The following C1orf116 variants were observed in gnomAD, a reference collection of about 807,000 sequenced individuals.
C1orf116 encodes the protein specifically androgen-regulated gene protein.
Under a neutral mutation model 14.1 loss-of-function variants are expected in C1orf116, and 12 were observed. The observed-to-expected ratio is 0.85, with a 90% confidence interval of 0.54 to 1.38. The LOEUF (loss-of-function observed/expected upper bound fraction) is 1.38, where lower values mean the gene tolerates loss of function less well. Among genes scored for constraint, C1orf116 ranks in the 40% most tolerant of loss-of-function variants. The pLI, the probability that C1orf116 is intolerant of heterozygous loss-of-function variation, is 0.00. For synonymous variants in C1orf116, 296 were observed against 299.0 expected (o/e 0.99, Z 0.10); for missense variants, 797 against 747.0 (o/e 1.07, Z -0.78).
At chr1:207,030,820 TAAGA>T (rs1682221979) in intron 1 of C1orf116, among the ~76,000 whole-genome samples, 1 of 152,150 alleles carries the variant, frequency 6.6e-6, no homozygotes, top group South Asian at 2.1e-4. Context: ...GGGAATGGGT[TAAGA>T]AATATGCAGC....
Position 207,020,528 on chromosome 1 carries a change from A to G in C1orf116, c.*1430T>C, listed in dbSNP as rs1681810880. On this transcript the variant is annotated 3_prime_UTR_variant, in exon 4 of 4. Coordinates refer to ENST00000359470, the MANE Select transcript of C1orf116 (RefSeq NM_023938.6). ...CATGTCTGGCCATGTCTCACCTCCA[A>G]GCTTGTATTTGCAAGCCCACACCAC... The G allele has an allele frequency of 6.6e-6, 1 of 152,098 alleles. No homozygotes were observed. Among genetic ancestry groups the G allele is most frequent in the Non-Finnish European group, 1.5e-5 (1 of 68,022 alleles). 9.4% of individuals were successfully genotyped at this position (152,098 alleles called of 1,614,324 possible). A position where few individuals can be genotyped will look rare whatever the true frequency, so the allele number is the denominator to read the frequency against.
intron 2 of C1orf116, among the ~76,000 whole-genome samples, chr1:207,025,959 T>A (rs1682062019): frequency 6.6e-6 from 1 of 152,204 alleles, no homozygotes; most frequent in Admixed American, 6.5e-5. Context: ...AGTTACTGTC[T>A]ATGTTGTATG....
In C1orf116 at chr1:207,021,728, C is replaced by T. The variant is rs926398135; in HGVS notation, c.*230G>A. ...TTCAGTGATGTATCCAGCGGCCCCC[C>T]CTCCACACACACACCAAACACACAC... On this transcript the variant is annotated 3_prime_UTR_variant, in exon 4 of 4. Coordinates refer to ENST00000359470, the MANE Select transcript of C1orf116 (RefSeq NM_023938.6). 3 of 408,596 alleles carry T rather than the reference C, an allele frequency of 7.3e-6. No homozygotes were observed. The highest frequency in any genetic ancestry group is 1.3e-5 in the Non-Finnish European group (3 of 232,394). The allele number at this position is 408,596 out of a possible 1,614,324, so 25.3% of individuals were successfully genotyped here.
rs1681789817 is a variant in C1orf116, at chr1:207,020,075, G to C, written c.*1883C>G. Reference sequence around the variant, plus strand: ...AAATCAACTCAGCTGAATATAGCATGTGGAATCAGTCCTCCAGAAGGCAGC... The same window carrying C: ...AAATCAACTCAGCTGAATATAGCATCTGGAATCAGTCCTCCAGAAGGCAGC... On this transcript the variant is annotated 3_prime_UTR_variant, in exon 4 of 4. Transcript: ENST00000359470. 6.6e-6 allele frequency: 1 copy of C among 152,222 alleles called. No homozygotes were observed. The highest frequency in any genetic ancestry group is 2.1e-4 in the South Asian group (1 of 4,832). The allele number at this position is 152,222 out of a possible 1,614,324, so 9.4% of individuals were successfully genotyped here.
Position 207,020,273 on chromosome 1 carries a change from A to G in C1orf116, c.*1685T>C, listed in dbSNP as rs1334034345. 1 of 152,212 alleles carries G rather than the reference A, an allele frequency of 6.6e-6. No homozygotes were observed. Among genetic ancestry groups the G allele is most frequent in the African/African-American group, 2.4e-5 (1 of 41,438 alleles). 9.4% of individuals were successfully genotyped at this position (152,212 alleles called of 1,614,324 possible). ...CCGCCACACCCACACCTCACATACC[A>G]TGACAGGGTGGAGTATTTGTTGTCC... is the stretch of plus-strand genomic sequence containing the variant. On this transcript the variant is annotated 3_prime_UTR_variant, in exon 4 of 4. Coordinates refer to ENST00000359470, the MANE Select transcript of C1orf116 (RefSeq NM_023938.6).
intron 1 of C1orf116, 59 bp downstream of exon 1, chr1:207,032,520 C>A (rs1406464504): frequency 2.0e-6 from 2 of 975,722 alleles, no homozygotes; most frequent in Non-Finnish European, 2.4e-6. Flanking sequence ...CTCTGATTTC[C>A]CATGAAACCC....
chr1:207,022,777 G>A lies in C1orf116; in HGVS notation c.987C>T (p.Ala329=). The change falls in exon 4 of 4, where the codon GCC becomes GCT. Residue 329 remains alanine, a synonymous_variant. Transcript: ENST00000359470. The part of the protein sequence containing the change: ...QHWLSRHTEA[A]PGDSGLISCS... ...AGGAGATCAGGCCAGAATCTCCAGG[G>A]GCAGCCTCAGTGTGGCGGGACAGCC... 1 of 1,614,170 alleles carries A rather than the reference G, an allele frequency of 6.2e-7. No individual in the cohort carries two copies.
chr1:207,023,246 AC>A lies in C1orf116; in HGVS notation c.517del (p.Val173SerfsTer118), dbSNP rs1362017752. 1.2e-6 allele frequency: 2 copies of A among 1,612,936 alleles called. No individual in the cohort carries two copies. Among genetic ancestry groups the A allele is most frequent in the Non-Finnish European group, 1.7e-6 (2 of 1,179,454 alleles). ...RLAPEPEKEQ[V>X]SQSSQPRQAP... Reference sequence around the variant, plus strand: ...CTGCCTGGGTTGGCTGCTCTGGCTGACCTGTTCTTTCTCAGGCTCTGGCGCA... The same window carrying A: ...CTGCCTGGGTTGGCTGCTCTGGCTGACTGTTCTTTCTCAGGCTCTGGCGCA... On this transcript the variant is annotated frameshift_variant, in exon 4 of 4. Coordinates refer to ENST00000359470, the MANE Select transcript of C1orf116 (RefSeq NM_023938.6). LOFTEE classifies it low-confidence loss of function (END_TRUNC).
At chr1:207,024,121 G>T (rs1252582981) in intron 3 of C1orf116, among the ~76,000 whole-genome samples, 1 of 152,222 alleles carries the variant, frequency 6.6e-6, no homozygotes, top group Non-Finnish European at 1.5e-5. Context: ...ACACCAGAAA[G>T]TGACTCCTTT....
At chr1:207,028,859 A>T (rs1349433988) in intron 1 of C1orf116, among the ~76,000 whole-genome samples, 1 of 152,252 alleles carries the variant, frequency 6.6e-6, no homozygotes, top group Non-Finnish European at 1.5e-5. Flanking sequence ...GAGTTGGAGG[A>T]GAGCCAGAAT....
At chr1:207,031,714 A>C (rs1238503569) in intron 1 of C1orf116, among the ~76,000 whole-genome samples, 1 of 152,224 alleles carries the variant, frequency 6.6e-6, no homozygotes, top group Non-Finnish European at 1.5e-5. Flanking sequence ...CACCTGCAGG[A>C]AAACAAACAA....
Position 207,021,206 on chromosome 1 carries a change from T to C in C1orf116, c.*752A>G, listed in dbSNP as rs1480527407. 2 of 152,498 alleles carry C rather than the reference T, an allele frequency of 1.3e-5. No homozygotes were observed. The highest frequency in any genetic ancestry group is 1.3e-4 in the Admixed American group (2 of 15,268). 9.4% of individuals were successfully genotyped at this position (152,498 alleles called of 1,614,324 possible). On this transcript the variant is annotated 3_prime_UTR_variant, in exon 4 of 4. Coordinates refer to ENST00000359470, the MANE Select transcript of C1orf116 (RefSeq NM_023938.6). Reference sequence around the variant, plus strand: ...TCAGGGACGACAGCACAGTTGGTGATTGAATTTATCAAGCCTGTGGAGAAG... The same window carrying C: ...TCAGGGACGACAGCACAGTTGGTGACTGAATTTATCAAGCCTGTGGAGAAG...
At chr1:207,025,694 C>A (rs981173976) in intron 2 of C1orf116, among the ~76,000 whole-genome samples, 1 of 152,204 alleles carries the variant, frequency 6.6e-6, no homozygotes, top group Non-Finnish European at 1.5e-5. Flanking sequence ...CTTTGAAATG[C>A]ATTCCATACG....
intron 1 of C1orf116, among the ~76,000 whole-genome samples, chr1:207,030,118 C>T (rs1218208649): frequency 2.6e-5 from 4 of 152,186 alleles, no homozygotes; most frequent in Non-Finnish European, 5.9e-5. Context: ...CACAAGAACA[C>T]AGCATGCCAT....
In C1orf116 at chr1:207,023,302, G is replaced by A; in HGVS notation, c.462C>T (p.Ser154=). ...TCCCCGGTTCTCCAGGGTTGTGACT[G>A]CTAGCCTGGGTGGTGCTTTTCCTGA... ...QNFRKSTTQA[S]SHNPGEPGRL... Residue 154 remains serine, a synonymous_variant, in exon 4 of 4, where the codon AGC becomes AGT. Coordinates refer to ENST00000359470, the MANE Select transcript of C1orf116 (RefSeq NM_023938.6). 1 of 1,614,198 alleles carries A rather than the reference G, an allele frequency of 6.2e-7. No homozygotes were observed.
Position 207,021,320 on chromosome 1 carries a change from C to T in C1orf116, c.*638G>A, listed in dbSNP as rs1479938587. The stretch of plus-strand genomic sequence containing the variant: ...CAAGAGCTGTTCTGCTATCAATCAA[C>T]CGAGAGATTGGGTTACAGGGACGTA... On this transcript the variant is annotated 3_prime_UTR_variant, in exon 4 of 4. Coordinates refer to ENST00000359470, the MANE Select transcript of C1orf116 (RefSeq NM_023938.6). The T allele has an allele frequency of 6.6e-6, 1 of 152,638 alleles. No individual in the cohort carries two copies. The highest frequency in any genetic ancestry group is 2.4e-5 in the African/African-American group (1 of 41,452). 9.5% of individuals were successfully genotyped at this position (152,638 alleles called of 1,614,324 possible). A position where few individuals can be genotyped will look rare whatever the true frequency, so the allele number is the denominator to read the frequency against.
Position 207,018,653 on chromosome 1 carries a change from G to C in C1orf116, c.*3305C>G, listed in dbSNP as rs1003810916. On this transcript the variant is annotated 3_prime_UTR_variant, in exon 4 of 4. Transcript: ENST00000359470. ...CCCGTCTTATAGGTGAAGACTCTGA[G>C]GTTCAGAAAGTTAAAGTGATATCGC... 6.6e-6 allele frequency: 1 copy of C among 152,200 alleles called. No homozygotes were observed. Among genetic ancestry groups the C allele is most frequent in the African/African-American group, 2.4e-5 (1 of 41,436 alleles). 9.4% of individuals were successfully genotyped at this position (152,200 alleles called of 1,614,324 possible). A position where few individuals can be genotyped will look rare whatever the true frequency, so the allele number is the denominator to read the frequency against.
In C1orf116 at chr1:207,023,087, T is replaced by A. The variant is rs747949199; in HGVS notation, c.677A>T (p.His226Leu). 7.4e-6 allele frequency: 12 copies of A among 1,612,366 alleles called. No homozygotes were observed. The African/African-American group carries it at 1.5e-4, about 20-fold the overall frequency. The change falls in exon 4 of 4, where the codon CAC becomes CTC. Residue 226 changes from histidine to leucine, a missense_variant. Transcript: ENST00000359470. The part of the protein sequence containing the change: ...SLPEGPGQQG[H>L]TPQLHTPSSS... ...GGATGGTGTGTGGAGCTGGGGTGTGTGGCCCTGCTGTCCTGGCCCCTCGGG... is the reference window on the plus strand; with the variant it reads ...GGATGGTGTGTGGAGCTGGGGTGTGAGGCCCTGCTGTCCTGGCCCCTCGGG...
In C1orf116 at chr1:207,021,322, G is replaced by A. The variant is rs1681838397; in HGVS notation, c.*636C>T. On this transcript the variant is annotated 3_prime_UTR_variant, in exon 4 of 4. Coordinates refer to ENST00000359470, the MANE Select transcript of C1orf116 (RefSeq NM_023938.6). Reference sequence around the variant, plus strand: ...AGAGCTGTTCTGCTATCAATCAACCGAGAGATTGGGTTACAGGGACGTATC... The same window carrying A: ...AGAGCTGTTCTGCTATCAATCAACCAAGAGATTGGGTTACAGGGACGTATC... 6.5e-6 allele frequency: 1 copy of A among 152,736 alleles called. No individual in the cohort carries two copies. Among genetic ancestry groups the A allele is most frequent in the East Asian group, 1.9e-4 (1 of 5,184 alleles). The allele number at this position is 152,736 out of a possible 1,614,324, so 9.5% of individuals were successfully genotyped here.
Sources: gnomAD v4.1 joint callset for allele counts (sites outside exome capture counted in the v4.1 genomes callset) on GRCh38, gnomAD v4.1.1 for gene constraint, MANE v1.5 for transcripts, NCBI Gene and HGNC (gene_info 2026-07-23, HGNC 2026-07-21) for gene names.